PPP2R2C: variants seen among roughly 807,000 people sequenced by gnomAD.
The protein encoded by PPP2R2C is protein phosphatase 2, regulatory subunit B, gamma.
A neutral mutation model predicts 45.3 loss-of-function variants in PPP2R2C; 10 were observed. The observed-to-expected ratio is 0.22, with a 90% CI of 0.14 to 0.37. The LOEUF is 0.37. PPP2R2C is among the 10% of genes least tolerant of loss of function. The probability of loss-of-function intolerance (pLI) is 1.00; values close to 1 mark genes in which losing one functional copy is unlikely to be tolerated. For missense variants in PPP2R2C, 308 were observed against 619.7 expected (o/e 0.50, Z 5.34); for synonymous variants, 257 against 245.4 (o/e 1.05, Z -0.44).
In PPP2R2C at chr4:6,414,145, G is replaced by A. The variant is rs1718403150; in HGVS notation, c.71-33051C>T. On this transcript the variant is annotated intron_variant, in intron 1 of 8. Coordinates refer to ENST00000382599, the MANE Select transcript of PPP2R2C (RefSeq NM_020416.4). ...GTGTACAGGTAAATAAACATTGAAA[G>A]AAACAAAATACGGCCTAGTATGCCT... The A allele has an allele frequency of 2.5e-6, 3 of 1,191,412 alleles. No individual in the cohort carries two copies. The Admixed American group carries it at 9.3e-5, about 37-fold the overall frequency. The allele number at this position is 1,191,412 out of a possible 1,614,324, so 73.8% of individuals were successfully genotyped here.
chr4:6,368,072 C>T lies in PPP2R2C; in HGVS notation c.625+4451G>A, dbSNP rs75013942. Among the ~76,000 whole-genome samples the T allele has an allele frequency of 3.0e-4, 45 of 152,300 alleles. No individual in the cohort carries two copies. The Middle Eastern group carries it at 0.01, about 35-fold the overall frequency. On this transcript the variant is annotated intron_variant, in intron 5 of 8. Coordinates refer to ENST00000382599, the MANE Select transcript of PPP2R2C (RefSeq NM_020416.4). This position sits in a 1 kb window ranked among gnomAD's most constrained non-coding sequence, Gnocchi z 4.2. ...ACACTGAGTTACACGGCAGGGTGTG[C>T]GGCCAGGGATGTTCCCAGGATCCAC...
chr4:6,490,646 G>A (rs1420683163), intron 2 of PPP2R2C, among the ~76,000 whole-genome samples: 1 of 152,164 alleles, frequency 6.6e-6, no homozygotes, highest in Non-Finnish European at 1.5e-5. Flanking sequence ...ACATCCCCTA[G>A]AGTGAGGTGG....
At chr4:6,371,300 G>T (rs1456682021) in intron 5 of PPP2R2C, among the ~76,000 whole-genome samples, 1 of 152,196 alleles carries the variant, frequency 6.6e-6, no homozygotes, top group Non-Finnish European at 1.5e-5. Flanking sequence ...TTTTCCAAGG[G>T]TCTCCCTGCC....
chr4:6,446,200 G>C (rs1720409384), intron 1 of PPP2R2C, among the ~76,000 whole-genome samples: 1 of 152,186 alleles, frequency 6.6e-6, no homozygotes, highest in Non-Finnish European at 1.5e-5. Context: ...CACGTTCTGA[G>C]ACTCTAGAAC....
At chr4:6,425,206 C>T (rs1434968425) in intron 1 of PPP2R2C, among the ~76,000 whole-genome samples, 4 of 152,160 alleles carry the variant, frequency 2.6e-5, no homozygotes, top group Admixed American at 6.5e-5. Context: ...TGTCCCCCCA[C>T]CCTATAATTC....
rs71173441 is a variant in PPP2R2C at position 6,423,900 on chromosome 4, T to TGTTAGGGTTAGGGTTAGG, written c.71-42824_71-42807dup. On this transcript the variant is annotated intron_variant, in intron 1 of 8. Coordinates refer to ENST00000382599, the MANE Select transcript of PPP2R2C (RefSeq NM_020416.4). ...GTTAGAATCAAATGTTTTGAGAGTGTGTTAGGGTTAGGGTTAGGGTTAGGG... is the reference window on the plus strand; with the variant it reads ...GTTAGAATCAAATGTTTTGAGAGTGTGTTAGGGTTAGGGTTAGGGTTAGGGTTAGGGTTAGGGTTAGGG... Among the ~76,000 whole-genome samples, 144 of 152,192 alleles carry TGTTAGGGTTAGGGTTAGG rather than the reference T, an allele frequency of 9.5e-4. 2 individuals carry two copies. In the South Asian group the frequency reaches 0.011, roughly 12 times the overall value.
At chr4:6,518,922 T>TAAAAAAAAAAAAAAA (rs56002128) in intron 2 of PPP2R2C, among the ~76,000 whole-genome samples, 28 of 92,906 alleles carry the variant, frequency 3.0e-4, no homozygotes, top group African/African-American at 4.3e-4. Context: ...GACTCTGTCT[T>TAAAAAAAAAAAAAAA]AAAAAAAAAA....
At chr4:6,463,597 C>T (rs1277758887) in intron 1 of PPP2R2C, among the ~76,000 whole-genome samples, 3 of 152,346 alleles carry the variant, frequency 2.0e-5, no homozygotes, top group Middle Eastern at 3.4e-3. Context: ...GTCCTGCTCC[C>T]GGGCCGGCTG....
chr4:6,360,139 TG>T lies in PPP2R2C; in HGVS notation c.626-12130del, dbSNP rs200009066. Among the ~76,000 whole-genome samples, 528 of 152,336 alleles carry T rather than the reference TG, an allele frequency of 3.5e-3. 13 individuals carry two copies. Among genetic ancestry groups the T allele is most frequent in the Admixed American group, 0.027 (417 of 15,308 alleles). The stretch of plus-strand genomic sequence containing the variant: ...CACCCCTGCAGGCAGGAACTGCCCA[TG>T]TGCCAACCCCACCCAGGAGGAGAGG... On this transcript the variant is annotated intron_variant, in intron 5 of 8. Transcript: ENST00000382599.
intron 1 of PPP2R2C, among the ~76,000 whole-genome samples, chr4:6,548,667 C>T (rs1315893412): frequency 1.3e-5 from 2 of 152,226 alleles, no homozygotes; most frequent in African/African-American, 4.8e-5. Flanking sequence ...AGCTCCAGGG[C>T]AAAGGCTGCC....
chr4:6,561,150 G>T (rs1437764246), intron 1 of PPP2R2C, among the ~76,000 whole-genome samples: 1 of 152,204 alleles, frequency 6.6e-6, no homozygotes, highest in African/African-American at 2.4e-5. Context: ...TGCCCTGTGG[G>T]GTACCTGTCT....
intron 5 of PPP2R2C, among the ~76,000 whole-genome samples, chr4:6,365,736 C>T (rs1714243671): frequency 6.6e-6 from 1 of 152,200 alleles, no homozygotes; most frequent in Non-Finnish European, 1.5e-5. Flanking sequence ...CCCTCCAGCC[C>T]ACCTGGCCGT....
At chr4:6,361,360 T>G (rs1183194637) in intron 5 of PPP2R2C, among the ~76,000 whole-genome samples, 2 of 152,186 alleles carry the variant, frequency 1.3e-5, no homozygotes, top group East Asian at 3.9e-4. Context: ...AACCAAGCTA[T>G]GAAAAAGGAA....
intron 1 of PPP2R2C, among the ~76,000 whole-genome samples, chr4:6,433,698 C>T (rs1413585526): frequency 6.6e-6 from 1 of 152,146 alleles, no homozygotes; most frequent in East Asian, 1.9e-4. Flanking sequence ...TTTTTTGTGC[C>T]AGGTTCTGTC....
At chr4:6,516,288 T>C (rs1723826073) in intron 2 of PPP2R2C, among the ~76,000 whole-genome samples, 1 of 152,180 alleles carries the variant, frequency 6.6e-6, no homozygotes, top group African/African-American at 2.4e-5. Context: ...TCCAGGACCA[T>C]CCTGGGAGAG....
chr4:6,434,132 G>T (rs556762435), intron 1 of PPP2R2C, among the ~76,000 whole-genome samples: 1 of 152,144 alleles, frequency 6.6e-6, no homozygotes, highest in Non-Finnish European at 1.5e-5. Flanking sequence ...CCACTATTTT[G>T]CACCTTGCTC....
At chr4:6,326,051 T>C (rs917025514) in intron 8 of PPP2R2C, among the ~76,000 whole-genome samples, 2 of 152,218 alleles carry the variant, frequency 1.3e-5, no homozygotes. Flanking sequence ...TCCTCGCCCC[T>C]TGGCCTGGCC....
intron 4 of PPP2R2C, among the ~76,000 whole-genome samples, chr4:6,372,978 AT>A (rs778432344): frequency 1.1e-4 from 17 of 152,278 alleles, no homozygotes; most frequent in Admixed American, 5.9e-4. Context: ...AAACAAAAAG[AT>A]ACTGTGGCAG....
intron 5 of PPP2R2C, chr4:6,350,639 G>A: frequency 7.2e-6 from 7 of 977,708 alleles, no homozygotes; most frequent in Non-Finnish European, 8.5e-6. Flanking sequence ...CTGACACCCA[G>A]GGGGTTCTCT....
Sources: gnomAD v4.1 joint callset for allele counts (sites outside exome capture counted in the v4.1 genomes callset) on GRCh38, gnomAD v4.1.1 for gene constraint, Gnocchi (gnomAD v3.1) non-coding constraint, MANE v1.5 for transcripts, NCBI Gene and HGNC (gene_info 2026-07-23, HGNC 2026-07-21) for gene names.